Variants in AKAP13 observed in about 807,000 individuals in gnomAD.
AKAP13 encodes A-kinase anchoring protein 13, also known as A-kinase anchor protein 13.
Under a neutral mutation model 264.5 loss-of-function variants are expected in AKAP13, and 80 were observed. The ratio of observed to expected loss-of-function variants is 0.30; its 90% CI spans 0.25 to 0.36. The LOEUF is 0.36. AKAP13 is among the 10% of genes least tolerant of loss of function. The probability of loss-of-function intolerance (pLI) is 1.00; values close to 1 mark genes in which losing one functional copy is unlikely to be tolerated. For synonymous variants in AKAP13, 1,380 were observed against 1,250.2 expected, an observed-to-expected ratio of 1.10 and a Z score of -2.19; for missense variants, 3,712 against 3,435.2, an observed-to-expected ratio of 1.08 and a Z score of -2.01.
chr15:85,617,246 T>G (rs1055972638), intron 8 of AKAP13, among the ~76,000 whole-genome samples: 24 of 137,850 alleles, frequency 1.7e-4, no homozygotes, highest in Non-Finnish European at 2.7e-4. Flanking sequence ...TGTTGTTGTT[T>G]TTGTTTTTTG....
At chr15:85,730,770 T>C (rs2087941071) in intron 30 of AKAP13, 63 bp downstream of exon 30, 2 of 1,412,354 alleles carry the variant, frequency 1.4e-6, no homozygotes, top group Non-Finnish European at 1.9e-6. Flanking sequence ...ACACTAATAT[T>C]ACCTGCCAGT....
rs1567136517 is a variant in AKAP13 at position 85,579,805 on chromosome 15, T to C, written c.1737T>C (p.Asp579=). 1 of 1,614,226 alleles carries C rather than the reference T, an allele frequency of 6.2e-7. No individual in the cohort carries two copies. Among genetic ancestry groups the C allele is most frequent in the African/African-American group, 1.3e-5 (1 of 75,068 alleles). Residue 579 remains aspartate (D), a synonymous_variant, in exon 7 of 37, where the codon GAT becomes GAC. Coordinates refer to ENST00000394518, the MANE Select transcript of AKAP13 (RefSeq NM_007200.5). ...ETSRSREESA[D]APVDQNSVVI... The stretch of plus-strand genomic sequence containing the variant: ...CACGAAGTCGTGAGGAGAGTGCTGA[T>C]GCTCCAGTAGATCAGAATTCTGTGG...
intron 5 of AKAP13, chr15:85,555,527 C>G: frequency 1.7e-6 from 2 of 1,198,744 alleles, no homozygotes; most frequent in Non-Finnish European, 2.2e-6. Context: ...CTTTGTTAAT[C>G]TTCATTGTTT....
At chr15:85,508,887 G>A (rs2076326720) in intron 2 of AKAP13, among the ~76,000 whole-genome samples, 1 of 151,872 alleles carries the variant, frequency 6.6e-6, no homozygotes, top group Non-Finnish European at 1.5e-5. Flanking sequence ...CTTCATTCAG[G>A]TTTCAGCTCA....
At chr15:85,684,902 A>G in intron 16 of AKAP13, 29 bp downstream of exon 16, 1 of 1,611,070 alleles carries the variant, frequency 6.2e-7, no homozygotes, top group Non-Finnish European at 8.5e-7. Context: ...ATTGCTTGTG[A>G]TCACCTCAGT....
At chr15:85,710,096 G>A (rs573850276) in intron 18 of AKAP13, among the ~76,000 whole-genome samples, 229 of 152,264 alleles carry the variant, frequency 1.5e-3, no homozygotes, top group African/African-American at 5.4e-3. Flanking sequence ...TGGCTACAAC[G>A]AAAGTATTAA....
At chr15:85,392,150 A>G (rs2070890649) in intron 1 of AKAP13, among the ~76,000 whole-genome samples, 1 of 149,978 alleles carries the variant, frequency 6.7e-6, no homozygotes, top group Non-Finnish European at 1.5e-5. Context: ...GTGAGTTTCT[A>G]GGGTAGTGGG....
At chr15:85,547,070 A>G (rs1370698703) in intron 5 of AKAP13, among the ~76,000 whole-genome samples, 1 of 152,172 alleles carries the variant, frequency 6.6e-6, no homozygotes, top group Non-Finnish European at 1.5e-5. Flanking sequence ...TAGTTTGGGT[A>G]TCTTCTTCCC....
At chr15:85,631,498 T>TCACACACACACA (rs1202064107) in intron 8 of AKAP13, among the ~76,000 whole-genome samples, 24 of 66,566 alleles carry the variant, frequency 3.6e-4, no homozygotes, top group African/African-American at 1.1e-3. Context: ...TCTCTCTCTC[T>TCACACACACACA]CTCTCACACA....
At chr15:85,577,423 A>G (rs895680246) in intron 6 of AKAP13, among the ~76,000 whole-genome samples, 5 of 152,214 alleles carry the variant, frequency 3.3e-5, no homozygotes, top group Admixed American at 1.3e-4. Flanking sequence ...TAAAGGTAAA[A>G]TCACTAAAGA....
chr15:85,638,739 A>G lies in AKAP13; in HGVS notation c.4162-635A>G, dbSNP rs2082175718. ...CATTCCAGCACCAGTCCTGCTGTTT[A>G]TTACTTCAGCAACCCCTCTGAGCCT... On this transcript the variant is annotated intron_variant, in intron 8 of 36. Transcript: ENST00000394518. Among the ~76,000 whole-genome samples the G allele has an allele frequency of 2.0e-5, 3 of 148,142 alleles. No individual in the cohort carries two copies. In the South Asian group the frequency reaches 6.4e-4, roughly 31 times the overall value.
At chr15:85,440,637 G>GGA (rs2073598923) in intron 1 of AKAP13, among the ~76,000 whole-genome samples, 1 of 152,168 alleles carries the variant, frequency 6.6e-6, no homozygotes, top group South Asian at 2.1e-4. Context: ...TACCTAAAAG[G>GGA]GAGGGGAGTA....
Position 85,580,718 on chromosome 15 carries a change from C to G in AKAP13, c.2650C>G (p.Leu884Val). 6.2e-7 allele frequency: 1 copy of G among 1,614,152 alleles called. No individual in the cohort carries two copies. The highest frequency in any genetic ancestry group is 2.2e-5 in the East Asian group (1 of 44,878). The change falls in exon 7 of 37, where the codon CTG (leucine) becomes GTG (valine). Residue 884 changes from leucine to valine, a missense_variant. By Grantham distance (32) the Leu-to-Val change is conservative (BLOSUM62 1). Coordinates refer to ENST00000394518, the MANE Select transcript of AKAP13 (RefSeq NM_007200.5). Reference protein sequence around the residue: ...GPAPPAIPEALNIKGNTDSSL... With the variant: ...GPAPPAIPEAVNIKGNTDSSL... ...CGCCCCTCCAGCAATCCCAGAAGCT[C>G]TGAATATCAAGGGGAACACTGACTC...
At chr15:85,655,005 A>G (rs2083033417) in intron 10 of AKAP13, among the ~76,000 whole-genome samples, 2 of 152,120 alleles carry the variant, frequency 1.3e-5, no homozygotes, top group African/African-American at 4.8e-5. Flanking sequence ...CAGCCTGGCC[A>G]GCATGGTGAA....
intron 1 of AKAP13, among the ~76,000 whole-genome samples, chr15:85,424,540 A>G (rs1474924315): frequency 6.6e-6 from 1 of 152,174 alleles, no homozygotes; most frequent in East Asian, 1.9e-4. Flanking sequence ...GGCTGGCTTG[A>G]TCTTCTATCC....
intron 17 of AKAP13, among the ~76,000 whole-genome samples, chr15:85,703,758 A>G (rs951026505): frequency 3.3e-5 from 5 of 151,734 alleles, no homozygotes; most frequent in African/African-American, 1.2e-4. Flanking sequence ...CAGCAGAATC[A>G]CCTGAACCCA....
chr15:85,411,501 G>C (rs540698428), intron 1 of AKAP13, among the ~76,000 whole-genome samples: 1 of 151,948 alleles, frequency 6.6e-6, no homozygotes, highest in Non-Finnish European at 1.5e-5. Context: ...GTAGTGGCAC[G>C]ATCTCGGCTC....
In AKAP13 at chr15:85,655,534, A is replaced by C; in HGVS notation, c.4492A>C (p.Lys1498Gln). 1 of 1,614,210 alleles carries C rather than the reference A, an allele frequency of 6.2e-7. No homozygotes were observed. Residue 1498 changes from lysine to glutamine, a missense_variant, in exon 11 of 37, where the codon AAG becomes CAG. Lys to Gln is a moderately conservative substitution (Grantham distance 53). Around this residue, in one of 3 missense-constraint regions of AKAP13, gnomAD observed 2,759 missense variants for 2,411.7 expected, o/e 1.14. Coordinates refer to ENST00000394518, the MANE Select transcript of AKAP13 (RefSeq NM_007200.5). Reference sequence around the variant, plus strand: ...TGATGTGTCTCTCTCCCAGATTTTAAAGCCAAACAGGTCAAGAGATCGGCA... The same window carrying C: ...TGATGTGTCTCTCTCCCAGATTTTACAGCCAAACAGGTCAAGAGATCGGCA... ...GSDVSLSQIL[K>Q]PNRSRDRQSL...
At chr15:85,517,376 C>G (rs1388370897) in intron 2 of AKAP13, among the ~76,000 whole-genome samples, 1 of 151,792 alleles carries the variant, frequency 6.6e-6, no homozygotes, top group Non-Finnish European at 1.5e-5. Flanking sequence ...CATCAAGTTA[C>G]TTTTCCCAGT....
Sources: allele counts gnomAD v4.1 joint callset (sites outside exome capture counted in the v4.1 genomes callset), GRCh38; gene constraint gnomAD v4.1.1; regional missense constraint gnomAD v4.1.1; transcripts MANE v1.5; gene names NCBI Gene and HGNC (gene_info 2026-07-23, HGNC 2026-07-21).